Variants in STX12 observed in about 807,000 individuals in gnomAD.
STX12 encodes syntaxin-12.
A neutral mutation model predicts 42.2 loss-of-function variants in STX12; 17 were observed. That is an observed-to-expected ratio of 0.40 (90% CI 0.28 to 0.60). The LOEUF is 0.60. Ranked by LOEUF, STX12 falls within the 20% of genes least tolerant of loss-of-function variation. The pLI, the probability that STX12 is intolerant of heterozygous loss-of-function variation, is 0.39. For missense variants in STX12, 297 were observed against 330.9 expected (o/e 0.90, Z 0.79); for synonymous variants, 108 against 116.7 (o/e 0.93, Z 0.48).
chr1:27,780,880 G>T (rs1468342062), intron 1 of STX12, among the ~76,000 whole-genome samples: 1 of 151,770 alleles, frequency 6.6e-6, no homozygotes, highest in East Asian at 1.9e-4. Context: ...GATCGCTTGA[G>T]CCTGGGAAGC....
At chr1:27,791,940 C>T (rs552565061) in intron 2 of STX12, among the ~76,000 whole-genome samples, 11 of 149,506 alleles carry the variant, frequency 7.4e-5, no homozygotes, top group South Asian at 2.1e-4. Flanking sequence ...GCCAAGATCG[C>T]GCCACAGCAC....
At chr1:27,776,248 A>G (rs188549823) in intron 1 of STX12, among the ~76,000 whole-genome samples, 213 of 152,328 alleles carry the variant, frequency 1.4e-3, no homozygotes, top group African/African-American at 3.8e-3. Flanking sequence ...TGCTTTACAT[A>G]CATTATCTTA....
At chr1:27,821,137 T>C (rs1423604530) in intron 8 of STX12, among the ~76,000 whole-genome samples, 1 of 150,830 alleles carries the variant, frequency 6.6e-6, no homozygotes, top group Non-Finnish European at 1.5e-5. Context: ...CTGCACATTG[T>C]GCACATGTAC....
At chr1:27,809,244 G>A (rs868759509) in intron 4 of STX12, among the ~76,000 whole-genome samples, 19 of 151,584 alleles carry the variant, frequency 1.3e-4, no homozygotes, top group Admixed American at 1.3e-4. Flanking sequence ...TGAGGCAGAA[G>A]AATCGCTTGA....
chr1:27,784,322 G>A (rs1469731073), intron 1 of STX12, among the ~76,000 whole-genome samples: 1 of 152,170 alleles, frequency 6.6e-6, no homozygotes, highest in African/African-American at 2.4e-5. Context: ...CTGGGCTTGA[G>A]CGATCCTCTT....
In STX12 at chr1:27,773,221, C is replaced by T. The variant is rs2088606435; in HGVS notation, c.-87C>T. 3 of 862,062 alleles carry T rather than the reference C, an allele frequency of 3.5e-6. No individual in the cohort carries two copies. The highest frequency in any genetic ancestry group is 3.4e-5 in the African/African-American group (2 of 58,946). 53.4% of individuals were successfully genotyped at this position (862,062 alleles called of 1,614,324 possible). A position where few individuals can be genotyped will look rare whatever the true frequency, so the allele number is the denominator to read the frequency against. On this transcript the variant is annotated 5_prime_UTR_variant, in exon 1 of 9. Coordinates refer to ENST00000373943, the MANE Select transcript of STX12 (RefSeq NM_177424.3). ...GCTCCTTCCCCGCCCTTGCTCTTCC[C>T]AGTTTCTCCGTCAGCCTGCGGGTCC...
At chr1:27,778,488 C>T (rs2088642425) in intron 1 of STX12, among the ~76,000 whole-genome samples, 1 of 152,062 alleles carries the variant, frequency 6.6e-6, no homozygotes, top group South Asian at 2.1e-4. Flanking sequence ...GTCAGGCATT[C>T]GAGACCAGCC....
intron 3 of STX12, among the ~76,000 whole-genome samples, chr1:27,794,367 A>G (rs1451236582): frequency 2.0e-5 from 3 of 152,212 alleles, no homozygotes; most frequent in Non-Finnish European, 4.4e-5. Flanking sequence ...CATTTTAATG[A>G]AACATCTTTC....
In STX12 at chr1:27,812,249, C is replaced by T. The variant is rs139697930; in HGVS notation, c.557C>T (p.Thr186Met). ...QDLELIKERE[T>M]AIRQLEADIL... ...TTGGAACTTATTAAAGAAAGAGAAA[C>T]GGCAATTCGGCAGCTGGAGGTGAGA... The change falls in exon 6 of 9, where the codon ACG becomes ATG. Residue 186 changes from threonine to methionine, a missense_variant. Physicochemically the swap from Thr to Met is moderately conservative, Grantham distance 81. Coordinates refer to ENST00000373943, the MANE Select transcript of STX12 (RefSeq NM_177424.3). The T allele has an allele frequency of 1.3e-5, 20 of 1,556,516 alleles. No individual in the cohort carries two copies. The highest frequency in any genetic ancestry group is 9.5e-5 in the African/African-American group (7 of 73,314).
At chr1:27,796,457 C>A (rs1452722230) in intron 3 of STX12, among the ~76,000 whole-genome samples, 1 of 152,100 alleles carries the variant, frequency 6.6e-6, no homozygotes, top group South Asian at 2.1e-4. Flanking sequence ...AGTCGTGGCT[C>A]GCTGTATCAC....
At chr1:27,798,368 G>A (rs2088801442) in intron 3 of STX12, among the ~76,000 whole-genome samples, 1 of 151,948 alleles carries the variant, frequency 6.6e-6, no homozygotes, top group African/African-American at 2.4e-5. Context: ...AAATTAGCCA[G>A]GCACGGTGGC....
rs1449166821 is a variant in STX12 at position 27,800,510 on chromosome 1, TG to T, written c.289-1167del. ...TGTGGTGTGTGTGTGTGTGTGTGTG[TG>T]TGTGTGTGTGTGTGTGTGTGTTTTG... On this transcript the variant is annotated intron_variant, in intron 3 of 8. Coordinates refer to ENST00000373943, the MANE Select transcript of STX12 (RefSeq NM_177424.3). Among the ~76,000 whole-genome samples the T allele has an allele frequency of 2.0e-5, 3 of 151,164 alleles. No homozygotes were observed. In the East Asian group the frequency reaches 5.8e-4, roughly 29 times the overall value.
intron 3 of STX12, among the ~76,000 whole-genome samples, chr1:27,798,333 C>A (rs1249791671): frequency 6.6e-6 from 1 of 151,680 alleles, no homozygotes; most frequent in Non-Finnish European, 1.5e-5. Context: ...GAGTTTGAGA[C>A]CCAGCCCGGG....
At chr1:27,818,293 A>G (rs1434144904) in intron 7 of STX12, among the ~76,000 whole-genome samples, 2 of 152,074 alleles carry the variant, frequency 1.3e-5, no homozygotes, top group Non-Finnish European at 2.9e-5. Flanking sequence ...AGGCAGGAGA[A>G]TCCCTTGAAC....
chr1:27,818,439 T>G (rs1401877745), intron 7 of STX12, among the ~76,000 whole-genome samples: 1 of 152,120 alleles, frequency 6.6e-6, no homozygotes, highest in Non-Finnish European at 1.5e-5. Flanking sequence ...AAAGTATGTT[T>G]AGGAATGCCG....
chr1:27,818,513 AATG>A (rs2148608419), intron 7 of STX12, among the ~76,000 whole-genome samples: 1 of 152,290 alleles, frequency 6.6e-6, no homozygotes, highest in African/African-American at 2.4e-5. Flanking sequence ...GTAGAAGTTA[AATG>A]AGGCCTCATG....
At chr1:27,807,458 C>T (rs2088871060) in intron 4 of STX12, among the ~76,000 whole-genome samples, 1 of 152,130 alleles carries the variant, frequency 6.6e-6, no homozygotes, top group Admixed American at 6.5e-5. Flanking sequence ...AAAAGGTACT[C>T]AGCTTCTTTA....
chr1:27,797,913 C>T (rs2088798077), intron 3 of STX12, among the ~76,000 whole-genome samples: 1 of 150,968 alleles, frequency 6.6e-6, no homozygotes, highest in African/African-American at 2.4e-5. Context: ...CACACAGAGT[C>T]TATATACTCT....
rs1330527306 is a variant in STX12 at position 27,773,358 on chromosome 1, C to T, written c.51C>T (p.Pro17=). The T allele has an allele frequency of 2.5e-6, 4 of 1,613,278 alleles. No individual in the cohort carries two copies. In the East Asian group the frequency reaches 8.9e-5, roughly 36 times the overall value. ...ACCGGAACCCGGGGCCCTCGGGGCC[C>T]CAGCTCCGGGACTTCAGCAGCATCA... is the stretch of plus-strand genomic sequence containing the variant. The part of the protein sequence containing the change: ...DMYRNPGPSG[P]QLRDFSSIIQ... The change falls in exon 1 of 9, where the codon CCC becomes CCT. Residue 17 remains proline (P), a synonymous_variant. Coordinates refer to ENST00000373943, the MANE Select transcript of STX12 (RefSeq NM_177424.3).
Sources: gnomAD v4.1 joint callset for allele counts (sites outside exome capture counted in the v4.1 genomes callset) on GRCh38, gnomAD v4.1.1 for gene constraint, MANE v1.5 for transcripts, NCBI Gene and HGNC (gene_info 2026-07-23, HGNC 2026-07-21) for gene names.